The following SND1 variants were observed in gnomAD, a reference collection of about 807,000 sequenced individuals.
SND1 encodes the protein staphylococcal nuclease domain-containing protein 1.
SND1 carries 38 observed loss-of-function variants against 121.7 expected under a neutral mutation model. The ratio of observed to expected loss-of-function variants is 0.31; its 90% CI spans 0.24 to 0.41. The LOEUF (loss-of-function observed/expected upper bound fraction) is 0.41. Among genes scored for constraint, SND1 ranks in the 10% least tolerant of loss-of-function variants. SND1 has a pLI of 1.00. For missense variants in SND1, 868 were observed against 1,184.6 expected (o/e 0.73, Z 3.92); for synonymous variants, 401 against 447.4 (o/e 0.90, Z 1.31).
chr7:127,878,815 G>A (rs1456385636), intron 12 of SND1, among the ~76,000 whole-genome samples: 1 of 152,118 alleles, frequency 6.6e-6, no homozygotes, highest in Non-Finnish European at 1.5e-5. Flanking sequence ...GTGGGAGAGA[G>A]ATTTAGTAAA....
intron 1 of SND1, among the ~76,000 whole-genome samples, chr7:127,683,280 A>G (rs987834642): frequency 6.6e-6 from 1 of 152,174 alleles, no homozygotes; most frequent in African/African-American, 2.4e-5. Context: ...CAGTGGCACA[A>G]CCATGGCTCA....
At chr7:128,075,415 A>C (rs1371611318) in intron 17 of SND1, among the ~76,000 whole-genome samples, 1 of 152,222 alleles carries the variant, frequency 6.6e-6, no homozygotes, top group Non-Finnish European at 1.5e-5. Context: ...TTGTTCCAGG[A>C]ATAAATGCTT....
chr7:127,801,885 C>T (rs1418884349), intron 10 of SND1, among the ~76,000 whole-genome samples: 3 of 151,982 alleles, frequency 2.0e-5, no homozygotes, highest in Admixed American at 6.6e-5. Context: ...TCTGTCGCCC[C>T]CGCTGGAGTG....
At chr7:127,717,419 G>A (rs1322107312) in intron 9 of SND1, among the ~76,000 whole-genome samples, 2 of 152,052 alleles carry the variant, frequency 1.3e-5, no homozygotes, top group South Asian at 2.1e-4. Context: ...TGTGTAGGAC[G>A]TCCCTCTGTT....
chr7:127,768,028 C>T (rs1217424849), intron 10 of SND1, among the ~76,000 whole-genome samples: 2 of 152,148 alleles, frequency 1.3e-5, no homozygotes, highest in South Asian at 2.1e-4. Context: ...CCTTTCCATA[C>T]GTACCTGTCA....
At chr7:127,760,558 A>G (rs975169047) in intron 10 of SND1, among the ~76,000 whole-genome samples, 3 of 152,220 alleles carry the variant, frequency 2.0e-5, no homozygotes, top group African/African-American at 7.2e-5. Flanking sequence ...GAACTTTCCT[A>G]GCTTTGCCTA....
chr7:128,070,138 A>G (rs1412974341), intron 16 of SND1, among the ~76,000 whole-genome samples: 1 of 152,200 alleles, frequency 6.6e-6, no homozygotes, highest in Non-Finnish European at 1.5e-5. Context: ...TCAAGCCTCT[A>G]GGCTGTTCGC....
chr7:128,062,205 C>G (rs898081861), intron 16 of SND1, among the ~76,000 whole-genome samples: 6 of 152,214 alleles, frequency 3.9e-5, no homozygotes, highest in African/African-American at 1.4e-4. Context: ...GTTGCCCTCT[C>G]TGGGCCATTG....
intron 12 of SND1, among the ~76,000 whole-genome samples, chr7:127,865,915 CTTT>C (rs57998727): frequency 1.4e-5 from 2 of 143,540 alleles, no homozygotes; most frequent in African/African-American, 5.1e-5. Context: ...TTTATTTCTC[CTTT>C]TTTTTTTTTT....
chr7:127,848,743 A>G (rs1050692586), intron 12 of SND1, among the ~76,000 whole-genome samples: 5 of 152,214 alleles, frequency 3.3e-5, no homozygotes, highest in African/African-American at 1.2e-4. Context: ...GGCAGATGAG[A>G]TGGTGTCTCT....
intron 11 of SND1, among the ~76,000 whole-genome samples, chr7:127,833,094 C>T (rs1015461354): frequency 6.6e-6 from 1 of 152,010 alleles, no homozygotes; most frequent in Non-Finnish European, 1.5e-5. Context: ...AGAAAATAGC[C>T]AAGTGTATTT....
chr7:127,835,734 A>G (rs982773940), intron 11 of SND1, among the ~76,000 whole-genome samples: 3 of 152,298 alleles, frequency 2.0e-5, no homozygotes, highest in South Asian at 4.1e-4. Flanking sequence ...TCGAGATTTA[A>G]TGAAACTGCT....
intron 15 of SND1, among the ~76,000 whole-genome samples, chr7:127,988,772 G>A (rs73721270): frequency 0.016 from 2,467 of 152,178 alleles, 88 homozygotes; most frequent in African/African-American, 0.056. Flanking sequence ...CAGTACCCTA[G>A]CTACATCCCA....
intron 15 of SND1, among the ~76,000 whole-genome samples, chr7:127,939,326 G>A (rs190589229): frequency 4.9e-4 from 74 of 152,306 alleles, no homozygotes; most frequent in Non-Finnish European, 8.7e-4. Context: ...TGAAGATTGG[G>A]AGTAGGAATT....
At chr7:127,815,643 G>C (rs1258950761) in intron 11 of SND1, among the ~76,000 whole-genome samples, 2 of 152,160 alleles carry the variant, frequency 1.3e-5, no homozygotes, top group Non-Finnish European at 2.9e-5. Flanking sequence ...CAATTGCCAG[G>C]ATGCACCAGC....
intron 15 of SND1, among the ~76,000 whole-genome samples, chr7:127,961,039 A>G (rs1801719026): frequency 6.6e-6 from 1 of 152,224 alleles, no homozygotes; most frequent in African/African-American, 2.4e-5. Context: ...TAACAAAGTC[A>G]GCTTTCCTTC....
intron 1 of SND1, among the ~76,000 whole-genome samples, chr7:127,671,531 A>G (rs1381105124): frequency 2.0e-5 from 3 of 152,012 alleles, no homozygotes; most frequent in Non-Finnish European, 4.4e-5. Context: ...GAGTCTTGCT[A>G]TGTTGCCCGG....
intron 15 of SND1, among the ~76,000 whole-genome samples, chr7:127,958,198 T>A (rs1801645876): frequency 6.6e-6 from 1 of 152,216 alleles, no homozygotes; most frequent in Non-Finnish European, 1.5e-5. Context: ...TGGGAGCTTC[T>A]TCCCTGTCAA....
chr7:127,694,651 C>T (rs1217600244), intron 2 of SND1, 177 bp from the exon 3 acceptor site: 7 of 641,016 alleles, frequency 1.1e-5, no homozygotes, highest in Non-Finnish European at 1.8e-5. Context: ...TTTTTATGAG[C>T]CCCCTAAGTG....
Sources: allele counts gnomAD v4.1 joint callset (sites outside exome capture counted in the v4.1 genomes callset), GRCh38; gene constraint gnomAD v4.1.1; transcripts MANE v1.5; gene names NCBI Gene and HGNC (gene_info 2026-07-23, HGNC 2026-07-21).